Variants in ASB15 observed in about 807,000 individuals in gnomAD.
ASB15 encodes the protein ankyrin repeat and SOCS box protein 15.
A neutral mutation model predicts 58.0 loss-of-function variants in ASB15; 54 were observed. That is an observed-to-expected ratio of 0.93 (90% CI 0.75 to 1.17). The LOEUF is 1.17. ASB15 is among the 50% of genes most tolerant of loss of function. ASB15 has a pLI of 0.00. For missense variants in ASB15, 680 were observed against 707.4 expected, an observed-to-expected ratio of 0.96 and a Z score of 0.44; for synonymous variants, 249 against 262.4, an observed-to-expected ratio of 0.95 and a Z score of 0.50.
chr7:123,626,559 G>A (rs1181598070), intron 8 of ASB15, among the ~76,000 whole-genome samples: 3 of 152,174 alleles, frequency 2.0e-5, no homozygotes, highest in African/African-American at 7.2e-5. Context: ...GAATTTGCCT[G>A]TCATGAAAAT....
chr7:123,629,081 G>A lies in ASB15; in HGVS notation c.1087G>A (p.Val363Ile), dbSNP rs952485463. Residue 363 changes from valine to isoleucine, a missense_variant, in exon 10 of 12, where the codon GTT becomes ATT. Transcript: ENST00000451215. ...GTATTTTGGCGTTTCTAATAATGAC[G>A]TTCATTGCACAGAAGTCCTTCTGGC... ...ALYFGVSNND[V>I]HCTEVLLAAG... The A allele has an allele frequency of 1.4e-5, 22 of 1,613,474 alleles. No homozygotes were observed. The highest frequency in any genetic ancestry group is 9.3e-5 in the African/African-American group (7 of 74,892).
At chr7:123,581,846 C>T (rs148641511) in intron 1 of ASB15, among the ~76,000 whole-genome samples, 93 of 152,074 alleles carry the variant, frequency 6.1e-4, no homozygotes, top group African/African-American at 2.1e-3. Flanking sequence ...GAGGAAAAGA[C>T]ATGAAACTTC....
intron 8 of ASB15, chr7:123,625,068 T>A: frequency 2.3e-6 from 1 of 428,426 alleles, no homozygotes. Flanking sequence ...CAGTTCAATC[T>A]GCACATAGAT....
intron 1 of ASB15, among the ~76,000 whole-genome samples, chr7:123,580,276 T>C (rs1453712214): frequency 6.6e-6 from 1 of 152,036 alleles, no homozygotes; most frequent in African/African-American, 2.4e-5. Flanking sequence ...AGTCCTCAGG[T>C]GCATGGCAGG....
At chr7:123,623,899 AATG>A (rs1801515125) in intron 7 of ASB15, among the ~76,000 whole-genome samples, 11 of 82,728 alleles carry the variant, frequency 1.3e-4, no homozygotes, top group Admixed American at 2.8e-4. Flanking sequence ...AGAAAGAAAG[AATG>A]GAAGGAAGGA....
intron 1 of ASB15, among the ~76,000 whole-genome samples, chr7:123,590,925 C>T (rs939333546): frequency 6.6e-6 from 1 of 152,100 alleles, no homozygotes; most frequent in Admixed American, 6.6e-5. Context: ...TTCTTCCTAT[C>T]GATGAGTATG....
chr7:123,611,118 A>T (rs1313317492), intron 3 of ASB15, among the ~76,000 whole-genome samples: 1 of 150,666 alleles, frequency 6.6e-6, no homozygotes, highest in Non-Finnish European at 1.5e-5. Context: ...AAGAAAAATC[A>T]ATTTTCTCTA....
intron 11 of ASB15, 131 bp downstream of exon 11, chr7:123,630,250 A>T: frequency 3.2e-6 from 2 of 624,576 alleles, no homozygotes; most frequent in Non-Finnish European, 2.6e-6. Flanking sequence ...TTTTAAAATC[A>T]TCCTTAACAC....
At position 123,624,662 on chromosome 7, in the gene ASB15, A is replaced by T. The variant is rs1801647039; in HGVS notation, c.545A>T (p.His182Leu). The change falls in exon 8 of 12, where the codon CAT becomes CTT. Residue 182 changes from histidine (H) to leucine (L), a missense_variant. His to Leu is a moderately conservative substitution (Grantham distance 99, BLOSUM62 -3). Transcript: ENST00000451215. ...TGTGTCAAGCGATGGTCAGCAATGCATGAAGCAGCCAAGCAAGGCCGAAAA... is the reference window on the plus strand; with the variant it reads ...TGTGTCAAGCGATGGTCAGCAATGCTTGAAGCAGCCAAGCAAGGCCGAAAA... The part of the protein sequence containing the change: ...QPCVKRWSAM[H>L]EAAKQGRKDI... 1 of 1,614,222 alleles carries T rather than the reference A, an allele frequency of 6.2e-7. No homozygotes were observed. The highest frequency in any genetic ancestry group is 8.5e-7 in the Non-Finnish European group (1 of 1,180,036).
intron 1 of ASB15, among the ~76,000 whole-genome samples, chr7:123,595,388 T>C (rs1799665042): frequency 6.6e-6 from 1 of 152,206 alleles, no homozygotes; most frequent in Admixed American, 6.5e-5. Context: ...CATTTCATCT[T>C]CCTAAAAGTT....
chr7:123,586,699 T>A (rs1307106332), intron 1 of ASB15, among the ~76,000 whole-genome samples: 1 of 151,804 alleles, frequency 6.6e-6, no homozygotes, highest in African/African-American at 2.4e-5. Flanking sequence ...GTTTCAAGTC[T>A]TAAATTTGTC....
intron 8 of ASB15, among the ~76,000 whole-genome samples, chr7:123,625,397 T>C (rs1482938396): frequency 6.6e-6 from 1 of 152,170 alleles, no homozygotes; most frequent in Non-Finnish European, 1.5e-5. Flanking sequence ...CCTCTCCCTA[T>C]AGGGCAGCTA....
At chr7:123,618,869 A>AG (rs944213838) in intron 7 of ASB15, among the ~76,000 whole-genome samples, 2 of 152,070 alleles carry the variant, frequency 1.3e-5, no homozygotes, top group African/African-American at 4.8e-5. Flanking sequence ...ATATCAATGT[A>AG]AAAAACGTAT....
chr7:123,611,217 G>C (rs1800432362), intron 3 of ASB15, among the ~76,000 whole-genome samples: 1 of 151,944 alleles, frequency 6.6e-6, no homozygotes, highest in Non-Finnish European at 1.5e-5. Flanking sequence ...GTGCTTTATA[G>C]AAATAATTTC....
intron 1 of ASB15, among the ~76,000 whole-genome samples, chr7:123,589,932 A>T (rs186606674): frequency 1.3e-5 from 2 of 152,256 alleles, no homozygotes; most frequent in African/African-American, 4.8e-5. Context: ...TTACACTCCC[A>T]CCAACAGTGT....
At chr7:123,614,351 G>A (rs1468955526) in intron 3 of ASB15, 150 bp from the exon 4 acceptor site, 1 of 593,066 alleles carries the variant, frequency 1.7e-6, no homozygotes, top group Non-Finnish European at 2.9e-6. Context: ...AAGTAATGTG[G>A]ATTAAAATGT....
intron 11 of ASB15, 21 bp from the exon 12 acceptor site, chr7:123,636,788 T>G: frequency 6.3e-7 from 1 of 1,590,002 alleles, no homozygotes; most frequent in Non-Finnish European, 8.6e-7. Context: ...TTTTTTTGCT[T>G]ATTTTCCCGA....
chr7:123,567,257 C>G (rs115390064), intron 1 of ASB15, among the ~76,000 whole-genome samples: 3,049 of 152,136 alleles, frequency 0.02, 103 homozygotes, highest in African/African-American at 0.07. Flanking sequence ...ATGTGAGTAG[C>G]AAGGGGATCA....
intron 1 of ASB15, among the ~76,000 whole-genome samples, chr7:123,589,417 C>T (rs1160412480): frequency 6.6e-6 from 1 of 151,444 alleles, no homozygotes; most frequent in Non-Finnish European, 1.5e-5. Flanking sequence ...GTGTGCTGCA[C>T]CCATCAACTC....
Sources: gnomAD v4.1 joint callset for allele counts (sites outside exome capture counted in the v4.1 genomes callset) on GRCh38, gnomAD v4.1.1 for gene constraint, MANE v1.5 for transcripts, NCBI Gene and HGNC (gene_info 2026-07-23, HGNC 2026-07-21) for gene names.